The following AIMP1 variants were observed in gnomAD, a reference collection of about 807,000 sequenced individuals.
The protein encoded by AIMP1 is aminoacyl tRNA synthetase complex interacting multifunctional protein 1.
Under a neutral mutation model 33.1 loss-of-function variants are expected in AIMP1, and 24 were observed. That is an observed-to-expected ratio of 0.73 (90% CI 0.53 to 1.02). The LOEUF (loss-of-function observed/expected upper bound fraction) is 1.02, where lower values mean the gene tolerates loss of function less well. Among genes scored for constraint, AIMP1 ranks in the 50% least tolerant of loss-of-function variants. The pLI is 0.00. For synonymous variants in AIMP1, 120 were observed against 121.5 expected (o/e 0.99, Z 0.08); for missense variants, 367 against 364.8 (o/e 1.01, Z -0.05).
intron 1 of AIMP1, among the ~76,000 whole-genome samples, chr4:106,320,094 C>A (rs773140608): frequency 1.3e-5 from 2 of 152,134 alleles, no homozygotes; most frequent in Non-Finnish European, 2.9e-5. Context: ...TTGTTATTAT[C>A]ATCTATGAGA....
chr4:106,329,457 G>A (rs1687673266), intron 4 of AIMP1, among the ~76,000 whole-genome samples: 1 of 152,122 alleles, frequency 6.6e-6, no homozygotes, highest in Non-Finnish European at 1.5e-5. Context: ...GGAGTTATAA[G>A]ATTAGAACAC....
At chr4:106,344,134 C>G (rs931150146) in intron 6 of AIMP1, among the ~76,000 whole-genome samples, 1 of 152,160 alleles carries the variant, frequency 6.6e-6, no homozygotes, top group African/African-American at 2.4e-5. Context: ...TCTTCACTGG[C>G]TGCCCCTGTC....
upstream of AIMP1, chr4:106,316,541 G>A: frequency 6.4e-7 from 1 of 1,551,528 alleles, no homozygotes; most frequent in African/African-American, 1.4e-5. Flanking sequence ...CGGGTGGCTG[G>A]ACCTACATGC....
rs1769904963 is a variant in AIMP1, at chr4:106,336,898, T to A, written c.633T>A (p.Cys211Ter). ...AAAATCGGATGGTGATTTTACTTTG[T>A]AACCTGAAACCTGCAAAGATGAGGG... ...QMQNRMVILL[C>*]NLKPAKMRGV... Residue 211 changes from cysteine (C) to a stop codon, truncating the protein, a stop_gained, in exon 6 of 7, where the codon TGT becomes TGA. Transcript: ENST00000672341. LOFTEE classifies it high-confidence loss of function. 1 of 1,613,992 alleles carries A rather than the reference T, an allele frequency of 6.2e-7. No homozygotes were observed. The highest frequency in any genetic ancestry group is 8.5e-7 in the Non-Finnish European group (1 of 1,180,000).
In AIMP1 at chr4:106,325,100, C is replaced by T. The variant is rs1561023840; in HGVS notation, c.91C>T (p.Leu31=). 2.5e-6 allele frequency: 4 copies of T among 1,612,248 alleles called. No homozygotes were observed. The highest frequency in any genetic ancestry group is 3.4e-6 in the Non-Finnish European group (4 of 1,178,994). ...IIEYLKQQVS[L]LKEKAILQAT... ...TGAATATCTTAAGCAGCAAGTTTCTCTACTTAAGGAGAAAGCAAGTAAGAA... is the reference window on the plus strand; with the variant it reads ...TGAATATCTTAAGCAGCAAGTTTCTTTACTTAAGGAGAAAGCAAGTAAGAA... Residue 31 remains leucine, a synonymous_variant, in exon 2 of 7, where the codon CTA becomes TTA. Transcript: ENST00000672341.
At chr4:106,326,785 A>C (rs1769467970) in intron 2 of AIMP1, among the ~76,000 whole-genome samples, 1 of 151,812 alleles carries the variant, frequency 6.6e-6, no homozygotes, top group Admixed American at 6.6e-5. Flanking sequence ...TATTTTTAAA[A>C]ATTTTTTTGA....
In AIMP1 at chr4:106,327,582, AT is replaced by A; in HGVS notation, c.223+21del. 1 of 1,577,398 alleles carries A rather than the reference AT, an allele frequency of 6.3e-7. No individual in the cohort carries two copies. Among genetic ancestry groups the A allele is most frequent in the Non-Finnish European group, 8.7e-7 (1 of 1,149,214 alleles). The stretch of plus-strand genomic sequence containing the variant: ...AAATGGAGGTAATTAAATATAGAAA[AT>A]TTGAGTAATCCAGAAGTTAAGAAGT... On this transcript the variant is annotated intron_variant, in intron 3 of 6. Coordinates refer to ENST00000672341, the MANE Select transcript of AIMP1 (RefSeq NM_001142416.2).
At chr4:106,320,696 A>G (rs1769182367) in intron 1 of AIMP1, among the ~76,000 whole-genome samples, 1 of 151,996 alleles carries the variant, frequency 6.6e-6, no homozygotes, top group Admixed American at 6.5e-5. Context: ...GTGACAAGGA[A>G]GTAGGAGGTG....
intron 1 of AIMP1, among the ~76,000 whole-genome samples, chr4:106,317,299 G>T (rs191668516): frequency 2.6e-5 from 4 of 152,316 alleles, no homozygotes; most frequent in South Asian, 4.1e-4. Context: ...TAGCAAGGAG[G>T]CCTGTAGGGC....
rs778580576 is a variant in AIMP1 at position 106,328,219 on chromosome 4, G to C, written c.367G>C (p.Ala123Pro). Residue 123 changes from alanine (A) to proline (P), a missense_variant, in exon 4 of 7, where the codon GCG becomes CCG. Physicochemically the swap from Ala to Pro is conservative, Grantham distance 27. Coordinates refer to ENST00000672341, the MANE Select transcript of AIMP1 (RefSeq NM_001142416.2). ...IKGGTGDEKK[A>P]KEKIEKKGEK... is the part of the protein sequence containing the mutation. ...AGGAGGAACAGGAGACGAAAAGAAA[G>C]CGAAAGAGAAAATTGAAAAGAAAGG... The C allele has an allele frequency of 1.2e-6, 2 of 1,610,982 alleles. No homozygotes were observed. Among genetic ancestry groups the C allele is most frequent in the South Asian group, 2.2e-5 (2 of 90,942 alleles).
At chr4:106,336,467 T>C (rs983536350) in intron 5 of AIMP1, among the ~76,000 whole-genome samples, 1 of 152,240 alleles carries the variant, frequency 6.6e-6, no homozygotes, top group African/African-American at 2.4e-5. Context: ...AAATGCTTTA[T>C]TATGCATGTT....
intron 6 of AIMP1, among the ~76,000 whole-genome samples, chr4:106,343,234 A>G (rs1417951883): frequency 6.6e-6 from 1 of 152,084 alleles, no homozygotes; most frequent in African/African-American, 2.4e-5. Context: ...ATAGTCTCTG[A>G]GGTTCTTTTG....
intron 5 of AIMP1, among the ~76,000 whole-genome samples, chr4:106,333,778 G>A (rs750213135): frequency 3.7e-4 from 56 of 152,278 alleles, no homozygotes; most frequent in Non-Finnish European, 8.1e-4. Flanking sequence ...CATGATAACC[G>A]TTTTAAAAGC....
upstream of AIMP1, chr4:106,316,547 C>T (rs775095409): frequency 6.4e-7 from 1 of 1,551,540 alleles, no homozygotes; most frequent in Admixed American, 2.0e-5. Context: ...GCTGGACCTA[C>T]ATGCTTCCTG....
chr4:106,324,193 T>C (rs899258701), intron 1 of AIMP1, among the ~76,000 whole-genome samples: 7 of 152,082 alleles, frequency 4.6e-5, no homozygotes, highest in African/African-American at 1.4e-4. Context: ...GCAATACTTG[T>C]ATCATTGTTA....
chr4:106,347,449 A>G (rs1770345503), intron 6 of AIMP1, 77 bp from the exon 7 acceptor site: 17 of 1,356,638 alleles, frequency 1.3e-5, no homozygotes, highest in Non-Finnish European at 1.7e-5. Flanking sequence ...ATTCACTGGA[A>G]ATCTCTGTGA....
At chr4:106,343,311 G>A (rs974052502) in intron 6 of AIMP1, among the ~76,000 whole-genome samples, 5 of 152,060 alleles carry the variant, frequency 3.3e-5, no homozygotes, top group African/African-American at 1.2e-4. Context: ...GAATTTTATT[G>A]AATAGCAAGG....
chr4:106,347,076 A>G (rs1056667701), intron 6 of AIMP1, among the ~76,000 whole-genome samples: 2 of 152,118 alleles, frequency 1.3e-5, no homozygotes, highest in Non-Finnish European at 2.9e-5. Context: ...ACCAGATCTC[A>G]GGATAACTCA....
chr4:106,334,011 AT>A (rs1769775979), intron 5 of AIMP1, among the ~76,000 whole-genome samples: 1 of 152,136 alleles, frequency 6.6e-6, no homozygotes, highest in Non-Finnish European at 1.5e-5. Context: ...CTCTTTCTAG[AT>A]GTCTTCTATG....
Sources: gnomAD v4.1 joint callset for allele counts (sites outside exome capture counted in the v4.1 genomes callset) on GRCh38, gnomAD v4.1.1 for gene constraint, MANE v1.5 for transcripts, NCBI Gene and HGNC (gene_info 2026-07-23, HGNC 2026-07-21) for gene names.